The following MAPK8IP3 variants were observed in gnomAD, a reference collection of about 807,000 sequenced individuals.
MAPK8IP3 encodes the protein mitogen-activated protein kinase 8 interacting protein 3, also known as C-Jun-amino-terminal kinase-interacting protein 3.
MAPK8IP3 carries 49 observed loss-of-function variants against 157.8 expected under a neutral mutation model. The observed-to-expected ratio is 0.31, with a 90% CI of 0.25 to 0.39. MAPK8IP3 has a LOEUF of 0.39. Ranked by LOEUF, MAPK8IP3 falls within the 10% of genes least tolerant of loss-of-function variation. MAPK8IP3 has a pLI of 1.00. For missense variants in MAPK8IP3, 1,478 were observed against 1,889.4 expected (o/e 0.78, Z 4.04); for synonymous variants, 897 against 777.7 (o/e 1.15, Z -2.55).
intron 4 of MAPK8IP3, among the ~76,000 whole-genome samples, chr16:1,729,808 C>T (rs1195505376): frequency 1.3e-5 from 2 of 152,156 alleles, no homozygotes; most frequent in Non-Finnish European, 2.9e-5. Context: ...TGTGTCCCTT[C>T]TGCTCGGTCC....
Position 1,768,761 on chromosome 16 carries a change from C to G in MAPK8IP3, c.3951C>G (p.Pro1317=), listed in dbSNP as rs771032017. The part of the protein sequence containing the change: ...EGAGDMSQVK[P]VLSKAERSHI... ...CAGGGGACATGAGCCAGGTGAAGCC[C>G]GTGCTGTCCAAGGCAGAGCGCAGTC... The change falls in exon 32 of 32, where the codon CCC becomes CCG. Residue 1317 remains proline (P), a synonymous_variant. Coordinates refer to ENST00000610761, the MANE Select transcript of MAPK8IP3 (RefSeq NM_001318852.2). The G allele has an allele frequency of 1.9e-6, 3 of 1,612,818 alleles. No homozygotes were observed. The highest frequency in any genetic ancestry group is 8.5e-7 in the Non-Finnish European group (1 of 1,179,868).
At chr16:1,746,972 C>T (rs942339184) in intron 5 of MAPK8IP3, 57 bp from the exon 6 acceptor site, 7 of 1,579,274 alleles carry the variant, frequency 4.4e-6, no homozygotes, top group Non-Finnish European at 6.0e-6. Context: ...CACGGCGGAG[C>T]CGCAGGCCAG....
intron 4 of MAPK8IP3, among the ~76,000 whole-genome samples, chr16:1,739,067 C>T (rs1343182547): frequency 8.7e-5 from 11 of 126,784 alleles, no homozygotes; most frequent in African/African-American, 1.9e-4. Flanking sequence ...TGTGAGCGTC[C>T]GTGTGAGTGT....
intron 4 of MAPK8IP3, among the ~76,000 whole-genome samples, chr16:1,736,453 CGT>C (rs200223265): frequency 2.8e-5 from 1 of 36,350 alleles, no homozygotes; most frequent in Non-Finnish European, 4.7e-5. Context: ...TCCGTGTGAG[CGT>C]GTGACCATCC....
chr16:1,740,253 CGTGT>C, intron 4 of MAPK8IP3, among the ~76,000 whole-genome samples: 2 of 127,418 alleles, frequency 1.6e-5, no homozygotes, highest in East Asian at 4.8e-4. Flanking sequence ...TGTGACCGTT[CGTGT>C]GAGTGTGTGA....
intron 8 of MAPK8IP3, 112 bp downstream of exon 8, chr16:1,748,832 CTTT>C (rs745593970): frequency 1.1e-6 from 1 of 945,148 alleles, no homozygotes; most frequent in East Asian, 2.4e-5. Context: ...AGCTAGGAAC[CTTT>C]TTTTTTCCAG....
intron 8 of MAPK8IP3, among the ~76,000 whole-genome samples, chr16:1,755,126 C>T (rs1471742415): frequency 6.6e-6 from 1 of 152,124 alleles, no homozygotes; most frequent in Non-Finnish European, 1.5e-5. Context: ...TTGAGGCAGG[C>T]AGCAACAAAC....
chr16:1,763,956 A>G (rs2042104331), intron 17 of MAPK8IP3, 159 bp from the exon 18 acceptor site: 1 of 1,059,406 alleles, frequency 9.4e-7, no homozygotes, highest in Non-Finnish European at 1.3e-6. Context: ...AGGGGTCTGG[A>G]GGGTCGGAGA....
intron 4 of MAPK8IP3, among the ~76,000 whole-genome samples, chr16:1,732,449 C>T (rs1421246672): frequency 6.6e-6 from 1 of 151,868 alleles, no homozygotes; most frequent in African/African-American, 2.4e-5. Context: ...AGCTGTCAGA[C>T]TCTGCTTCCG....
rs1303018623 is a variant in MAPK8IP3 at position 1,706,547 on chromosome 16, C to T, written c.208C>T (p.Leu70Phe). The T allele has an allele frequency of 5.0e-6, 8 of 1,613,634 alleles. No individual in the cohort carries two copies. The highest frequency in any genetic ancestry group is 1.7e-5 in the Admixed American group (1 of 59,944). The change falls in exon 1 of 32, where the codon CTC (leucine) becomes TTC (phenylalanine). Residue 70 changes from leucine (L) to phenylalanine (F), a missense_variant. Transcript: ENST00000610761. This position sits in a 1 kb window ranked among gnomAD's most constrained non-coding sequence, Gnocchi z 5.1. ...VNVLENLDSV[L>F]SENQEHEVEL... The stretch of plus-strand genomic sequence containing the variant: ...CGTGCTGGAGAACCTAGACTCGGTG[C>T]TCAGCGAGAACCAGGAGCACGAGGT...
Position 1,769,825 on chromosome 16 carries a change from T to A in MAPK8IP3, c.*1001T>A, listed in dbSNP as rs2042504658. 2 of 152,304 alleles carry A rather than the reference T, an allele frequency of 1.3e-5. No homozygotes were observed. 9.4% of individuals were successfully genotyped at this position (152,304 alleles called of 1,614,324 possible). A position where few individuals can be genotyped will look rare whatever the true frequency, so the allele number is the denominator to read the frequency against. On this transcript the variant is annotated 3_prime_UTR_variant, in exon 32 of 32. Transcript: ENST00000610761. ...ACTAAGTGCCTAGGGTTGCCCGCTGTGGCCTGCTTCCAGGGAGCAACAGAG... is the reference window on the plus strand; with the variant it reads ...ACTAAGTGCCTAGGGTTGCCCGCTGAGGCCTGCTTCCAGGGAGCAACAGAG...
chr16:1,767,538 G>A (rs1459298897), intron 26 of MAPK8IP3, 26 bp from the exon 27 acceptor site: 1 of 1,605,314 alleles, frequency 6.2e-7, no homozygotes, highest in South Asian at 1.1e-5. Context: ...CCCCAGCCCT[G>A]TTGATGGGCA....
At chr16:1,733,940 G>A (rs1034086444) in intron 4 of MAPK8IP3, among the ~76,000 whole-genome samples, 9 of 152,244 alleles carry the variant, frequency 5.9e-5, no homozygotes, top group Non-Finnish European at 1.0e-4. Context: ...GGCACCGGCC[G>A]TGGGAGCAAC....
At position 1,762,335 on chromosome 16, in the gene MAPK8IP3, G is replaced by T; in HGVS notation, c.1540-16G>T. On this transcript the variant is annotated splice_polypyrimidine_tract_variant and intron_variant, in intron 13 of 31. Transcript: ENST00000610761. ...CTCCGAGGGCTGGCTGAGCCTCTGT[G>T]CCCCTCCCTCCGCAGGACAAAATCC... 1 of 1,561,024 alleles carries T rather than the reference G, an allele frequency of 6.4e-7. No individual in the cohort carries two copies. The highest frequency in any genetic ancestry group is 1.9e-5 in the Admixed American group (1 of 53,328).
chr16:1,740,315 TC>T (rs1239006744), intron 4 of MAPK8IP3, among the ~76,000 whole-genome samples: 1 of 149,422 alleles, frequency 6.7e-6, no homozygotes, highest in Non-Finnish European at 1.5e-5. Flanking sequence ...CGTGTGATCA[TC>T]CGTAACCGTG....
At chr16:1,760,637 C>T in intron 12 of MAPK8IP3, 105 bp downstream of exon 12, 2 of 1,366,298 alleles carry the variant, frequency 1.5e-6, no homozygotes, top group Non-Finnish European at 9.8e-7. Flanking sequence ...CGGCTCTGTG[C>T]ATAGCCTACC....
intron 24 of MAPK8IP3, 41 bp from the exon 25 acceptor site, chr16:1,766,863 A>T: frequency 6.2e-7 from 1 of 1,611,186 alleles, no homozygotes; most frequent in South Asian, 1.1e-5. Context: ...GGGGGCTGGC[A>T]CAGCCTGGCC....
At position 1,770,017 on chromosome 16, in the gene MAPK8IP3, T is replaced by TGAGGG. The variant is rs1439939526; in HGVS notation, c.*1194_*1198dup. ...TGCACTCCTGTCTGGGAGGCCCTTA[T>TGAGGG]GAGGGCAGCCCAGCCCCCGCACCCA... is the stretch of plus-strand genomic sequence containing the variant. On this transcript the variant is annotated 3_prime_UTR_variant, in exon 32 of 32. Transcript: ENST00000610761. 6.6e-6 allele frequency: 1 copy of TGAGGG among 152,390 alleles called. No homozygotes were observed. Among genetic ancestry groups the TGAGGG allele is most frequent in the Non-Finnish European group, 1.5e-5 (1 of 68,164 alleles). 9.4% of individuals were successfully genotyped at this position (152,390 alleles called of 1,614,324 possible).
chr16:1,736,503 CGT>C (rs1285537967), intron 4 of MAPK8IP3, among the ~76,000 whole-genome samples: 4 of 37,814 alleles, frequency 1.1e-4, no homozygotes, highest in African/African-American at 3.4e-4. Flanking sequence ...TCCGTGTGAG[CGT>C]GTGACCGTCC....
Sources: gnomAD v4.1 joint callset for allele counts (sites outside exome capture counted in the v4.1 genomes callset) on GRCh38, gnomAD v4.1.1 for gene constraint, Gnocchi (gnomAD v3.1) non-coding constraint, MANE v1.5 for transcripts, NCBI Gene and HGNC (gene_info 2026-07-23, HGNC 2026-07-21) for gene names.